ENTHD1: variants seen among roughly 807,000 people sequenced by gnomAD.
The protein encoded by ENTHD1 is ENTH domain containing 1.
In ENTHD1, 23 loss-of-function variants were observed where a neutral mutation model predicts 39.1. That is an observed-to-expected ratio of 0.59 (90% confidence interval 0.42 to 0.83). ENTHD1 has a LOEUF of 0.83. Ranked by LOEUF, ENTHD1 falls within the 40% of genes least tolerant of loss-of-function variation. The pLI is 0.00. For synonymous variants in ENTHD1, 230 were observed against 258.2 expected, an observed-to-expected ratio of 0.89 and a Z score of 1.05; for missense variants, 624 against 705.4, an observed-to-expected ratio of 0.88 and a Z score of 1.31.
Position 39,744,237 on chromosome 22 carries a change from C to CA in ENTHD1, c.1265dup (p.Met422IlefsTer5). 2 of 1,612,994 alleles carry CA rather than the reference C, an allele frequency of 1.2e-6. No individual in the cohort carries two copies. Among genetic ancestry groups the CA allele is most frequent in the Non-Finnish European group, 1.7e-6 (2 of 1,179,606 alleles). On this transcript the variant is annotated frameshift_variant, in exon 7 of 7. Transcript: ENST00000325157. LOFTEE classifies it low-confidence loss of function (END_TRUNC). ...CTGGAGAGGCTAAATCAGGAGATGA[C>CA]ATGGATAAAGGAGAAAAGGAAGATG...
intron 2 of ENTHD1, among the ~76,000 whole-genome samples, chr22:39,884,391 G>A (rs2066364414): frequency 6.6e-6 from 1 of 152,060 alleles, no homozygotes; most frequent in Non-Finnish European, 1.5e-5. Context: ...TGTTGGCCAG[G>A]CTGGTCTTGA....
At chr22:39,869,942 C>T (rs2066226414) in intron 2 of ENTHD1, among the ~76,000 whole-genome samples, 1 of 151,684 alleles carries the variant, frequency 6.6e-6, no homozygotes, top group Admixed American at 6.6e-5. Context: ...AAAAACCAGA[C>T]TAGAACAGCT....
intron 5 of ENTHD1, among the ~76,000 whole-genome samples, chr22:39,814,112 T>C (rs1275824649): frequency 2.0e-5 from 3 of 152,062 alleles, no homozygotes; most frequent in African/African-American, 4.8e-5. Flanking sequence ...AAAGATTCAA[T>C]GTAGAGCCAA....
At chr22:39,856,463 G>C (rs1282192125) in intron 3 of ENTHD1, among the ~76,000 whole-genome samples, 2 of 151,578 alleles carry the variant, frequency 1.3e-5, no homozygotes, top group African/African-American at 4.9e-5. Context: ...ACAGACATCT[G>C]TATATCTAGG....
chr22:39,819,159 G>C (rs2065758480), intron 5 of ENTHD1, among the ~76,000 whole-genome samples: 1 of 152,162 alleles, frequency 6.6e-6, no homozygotes, highest in Non-Finnish European at 1.5e-5. Flanking sequence ...AAGGTCAGGA[G>C]ATCAAGACCA....
chr22:39,875,829 C>T (rs2066284746), intron 2 of ENTHD1: 2 of 1,613,710 alleles, frequency 1.2e-6, no homozygotes, highest in African/African-American at 2.7e-5. Context: ...CGTCATAGAA[C>T]CCAGAAGGAA....
At chr22:39,834,240 A>C (rs2065892181) in intron 4 of ENTHD1, among the ~76,000 whole-genome samples, 1 of 152,204 alleles carries the variant, frequency 6.6e-6, no homozygotes, top group East Asian at 1.9e-4. Context: ...CATATCTGAC[A>C]AAGAACTTAT....
rs532479556 is a variant in ENTHD1, at chr22:39,833,573, A to C, written c.711+2267T>G. On this transcript the variant is annotated intron_variant, in intron 4 of 6. Transcript: ENST00000325157. ...AGAATAGTTGAAATAGAGAATATAG[A>C]TGATATTTAAAATTGAATGGATATA... Among the ~76,000 whole-genome samples the C allele has an allele frequency of 2.0e-5, 3 of 152,232 alleles. No homozygotes were observed. The East Asian group carries it at 5.8e-4, about 29-fold the overall frequency.
chr22:39,798,207 T>C (rs1038583015), intron 5 of ENTHD1, among the ~76,000 whole-genome samples: 1 of 152,082 alleles, frequency 6.6e-6, no homozygotes, highest in African/African-American at 2.4e-5. Context: ...AAATTCTTTC[T>C]TCTGCTTGTT....
intron 4 of ENTHD1, among the ~76,000 whole-genome samples, chr22:39,822,847 C>T (rs1029584380): frequency 2.0e-5 from 3 of 152,164 alleles, no homozygotes; most frequent in African/African-American, 4.8e-5. Context: ...ACTTTGAGCT[C>T]ATTTTAGATC....
chr22:39,786,264 C>A (rs1207333884), intron 5 of ENTHD1, among the ~76,000 whole-genome samples: 1 of 152,148 alleles, frequency 6.6e-6, no homozygotes, highest in Non-Finnish European at 1.5e-5. Context: ...GTATGTGACA[C>A]AAATTATATA....
rs924564545 is a variant in ENTHD1, at chr22:39,743,295, C to G, written c.*384G>C. ...GTCACCTCAGAGGCTTGTTAACAAG[C>G]TCCATACAGTTGAAAGATAAAGAGC... On this transcript the variant is annotated 3_prime_UTR_variant, in exon 7 of 7. Transcript: ENST00000325157. 2 of 166,304 alleles carry G rather than the reference C, an allele frequency of 1.2e-5. No individual in the cohort carries two copies. Among genetic ancestry groups the G allele is most frequent in the Admixed American group, 6.0e-5 (1 of 16,738 alleles). 10.3% of individuals were successfully genotyped at this position (166,304 alleles called of 1,614,324 possible). A position where few individuals can be genotyped will look rare whatever the true frequency, so the allele number is the denominator to read the frequency against.
chr22:39,763,934 C>T (rs2065254989), intron 6 of ENTHD1, among the ~76,000 whole-genome samples: 1 of 152,144 alleles, frequency 6.6e-6, no homozygotes, highest in African/African-American at 2.4e-5. Context: ...CCAGTACTAA[C>T]AGGTTTCCAC....
At chr22:39,769,552 G>C (rs2065305783) in intron 5 of ENTHD1, among the ~76,000 whole-genome samples, 1 of 152,164 alleles carries the variant, frequency 6.6e-6, no homozygotes, top group Admixed American at 6.6e-5. Flanking sequence ...CTGCACTTAG[G>C]ATGAACAAGT....
At chr22:39,885,222 T>C (rs1030251232) in intron 2 of ENTHD1, among the ~76,000 whole-genome samples, 1 of 152,180 alleles carries the variant, frequency 6.6e-6, no homozygotes, top group African/African-American at 2.4e-5. Context: ...GACATACAAA[T>C]TGCCAACAAC....
At chr22:39,791,436 C>T (rs921264212) in intron 5 of ENTHD1, among the ~76,000 whole-genome samples, 6 of 151,812 alleles carry the variant, frequency 4.0e-5, no homozygotes, top group Non-Finnish European at 8.8e-5. Flanking sequence ...GCTCTGTCAC[C>T]TAGACTGGAG....
At chr22:39,752,844 A>G (rs1488315849) in intron 6 of ENTHD1, among the ~76,000 whole-genome samples, 2 of 152,188 alleles carry the variant, frequency 1.3e-5, no homozygotes, top group Admixed American at 6.5e-5. Context: ...TCTACTCTGC[A>G]CGGTGCTTCT....
chr22:39,790,063 A>G (rs1193723983), intron 5 of ENTHD1, among the ~76,000 whole-genome samples: 1 of 152,094 alleles, frequency 6.6e-6, no homozygotes, highest in African/African-American at 2.4e-5. Context: ...CAGGTCTAAG[A>G]TGGCTGTGGC....
In ENTHD1 at chr22:39,867,104, C is replaced by T. The variant is rs2066188871; in HGVS notation, c.350-5097G>A. Among the ~76,000 whole-genome samples, 1 of 152,058 alleles carries T rather than the reference C, an allele frequency of 6.6e-6. No individual in the cohort carries two copies. Among genetic ancestry groups the T allele is most frequent in the Non-Finnish European group, 1.5e-5 (1 of 68,016 alleles). On this transcript the variant is annotated intron_variant, in intron 2 of 6. Coordinates refer to ENST00000325157, the MANE Select transcript of ENTHD1 (RefSeq NM_152512.4). This position sits in a 1 kb window ranked among gnomAD's most constrained non-coding sequence, Gnocchi z 4.5. ...ATTTTTAGTAGAGACGGGGTTTCAC[C>T]GTGTTAGCCAGGATGGTCTTGATCT...
Sources: allele counts gnomAD v4.1 joint callset (sites outside exome capture counted in the v4.1 genomes callset), GRCh38; gene constraint gnomAD v4.1.1; non-coding constraint Gnocchi (gnomAD v3.1); transcripts MANE v1.5; gene names NCBI Gene and HGNC (gene_info 2026-07-23, HGNC 2026-07-21).